The following JAM2 variants were observed in gnomAD, a reference collection of about 807,000 sequenced individuals.
The protein encoded by JAM2 is junctional adhesion molecule B.
Under a neutral mutation model 42.0 loss-of-function variants are expected in JAM2, and 17 were observed. That is an observed-to-expected ratio of 0.40 (90% CI 0.28 to 0.61). JAM2 has a LOEUF of 0.61. Ranked by LOEUF, JAM2 falls within the 20% of genes least tolerant of loss-of-function variation. The pLI, the probability that JAM2 is intolerant of heterozygous loss-of-function variation, is 0.37. For missense variants in JAM2, 319 were observed against 358.3 expected (o/e 0.89, Z 0.89); for synonymous variants, 118 against 128.6 (o/e 0.92, Z 0.56).
chr21:25,693,868 C>A lies in JAM2; in HGVS notation c.354C>A (p.Gly118=), dbSNP rs1175160514. 1.2e-6 allele frequency: 2 copies of A among 1,614,124 alleles called. No homozygotes were observed. The highest frequency in any genetic ancestry group is 3.3e-5 in the Admixed American group (2 of 60,026). The change falls in exon 4 of 10, where the codon GGC becomes GGA. Residue 118 remains glycine (G), a synonymous_variant. Coordinates refer to ENST00000480456, the MANE Select transcript of JAM2 (RefSeq NM_021219.4). ...AAGTTAGTGCCCCATCTGAGCAAGG[C>A]CAAAACCTGGAAGAGGATACAGTCA... ...RCEVSAPSEQ[G]QNLEEDTVTL...
At chr21:25,669,344 C>T (rs2033299812) in intron 1 of JAM2, among the ~76,000 whole-genome samples, 1 of 150,998 alleles carries the variant, frequency 6.6e-6, no homozygotes, top group Non-Finnish European at 1.5e-5. Context: ...TGCACTCCAG[C>T]CTGGGCAACA....
chr21:25,701,423 T>C (rs1382261136), intron 5 of JAM2, among the ~76,000 whole-genome samples: 4 of 151,466 alleles, frequency 2.6e-5, no homozygotes, highest in Admixed American at 1.3e-4. Context: ...CTCTCTTCCT[T>C]CCTTTCTCCC....
At chr21:25,682,471 G>A (rs1180582591) in intron 1 of JAM2, among the ~76,000 whole-genome samples, 1 of 152,240 alleles carries the variant, frequency 6.6e-6, no homozygotes, top group Admixed American at 6.5e-5. Flanking sequence ...CAGGACGTGC[G>A]ACAGGGGTGT....
intron 4 of JAM2, among the ~76,000 whole-genome samples, chr21:25,695,523 A>G (rs576002045): frequency 6.6e-6 from 1 of 152,098 alleles, no homozygotes; most frequent in Admixed American, 6.5e-5. Context: ...CGCGGGGCAG[A>G]GGGGCTCCTC....
chr21:25,709,441 C>G lies in JAM2; in HGVS notation c.813C>G (p.Thr271=). 7.0e-7 allele frequency: 1 copy of G among 1,435,174 alleles called. No individual in the cohort carries two copies. The highest frequency in any genetic ancestry group is 9.7e-7 in the Non-Finnish European group (1 of 1,034,596). The allele number at this position is 1,435,174 out of a possible 1,614,324, so 88.9% of individuals were successfully genotyped here. The change falls in exon 8 of 10, where the codon ACC becomes ACG. Residue 271 remains threonine (T), a synonymous_variant. Coordinates refer to ENST00000480456, the MANE Select transcript of JAM2 (RefSeq NM_021219.4). ...AQRKGYFSKE[T]SFQKSNSSSK... ...ATACTTTTTCTTTTGTAGAAGAAAC[C>G]TCCTTCCAGTAAGTATACTTTCCTA...
At chr21:25,682,827 T>C (rs1464466160) in intron 1 of JAM2, among the ~76,000 whole-genome samples, 1 of 151,900 alleles carries the variant, frequency 6.6e-6, no homozygotes, top group Non-Finnish European at 1.5e-5. Context: ...GGGAAGATGG[T>C]CTTTTCCTGG....
At chr21:25,687,138 C>T (rs1010347454) in intron 2 of JAM2, among the ~76,000 whole-genome samples, 2 of 152,022 alleles carry the variant, frequency 1.3e-5, no homozygotes, top group African/African-American at 4.8e-5. Context: ...TATATTTCTA[C>T]GTCAAGGCAA....
intron 8 of JAM2, 155 bp downstream of exon 8, chr21:25,709,604 A>G (rs2034341614): frequency 2.1e-6 from 1 of 477,454 alleles, no homozygotes; most frequent in Non-Finnish European, 3.9e-6. Context: ...CATCTGTATT[A>G]GGCTGTTCTT....
intron 1 of JAM2, among the ~76,000 whole-genome samples, chr21:25,641,910 G>T (rs531152169): frequency 6.6e-6 from 1 of 152,232 alleles, no homozygotes; most frequent in South Asian, 2.1e-4. Flanking sequence ...CAAGTATCTG[G>T]TAGAATGACT....
chr21:25,648,070 G>A (rs534605434), intron 1 of JAM2, among the ~76,000 whole-genome samples: 54 of 152,226 alleles, frequency 3.5e-4, no homozygotes, highest in African/African-American at 1.2e-3. Context: ...AAGTAGCTGG[G>A]CATGGTGGCA....
rs538479469 is a variant in JAM2 at position 25,674,463 on chromosome 21, T to A, written c.68-9420T>A. Among the ~76,000 whole-genome samples the A allele has an allele frequency of 1.9e-4, 29 of 152,250 alleles. No homozygotes were observed. The South Asian group carries it at 4.8e-3, about 25-fold the overall frequency. On this transcript the variant is annotated intron_variant, in intron 1 of 9. Transcript: ENST00000480456. ...CAGTCTCAGCAGTGTGAGAACAGAC[T>A]AATATATCTGTCAAATGAGGATTTT...
chr21:25,712,382 TGTGA>T lies in JAM2; in HGVS notation c.864+3_864+6del. ...CTAAAGCCACGACAATGAGTGAAAA[TGTGA>T]GTATCTTTAAAGCATATTTATAGAA... On this transcript the variant is annotated splice_donor_variant and splice_donor_region_variant and intron_variant, in intron 9 of 9. Transcript: ENST00000480456. LOFTEE classifies it high-confidence loss of function. 1.9e-6 allele frequency: 3 copies of T among 1,585,736 alleles called. No individual in the cohort carries two copies. The highest frequency in any genetic ancestry group is 2.6e-6 in the Non-Finnish European group (3 of 1,155,282).
intron 1 of JAM2, among the ~76,000 whole-genome samples, chr21:25,683,235 A>G (rs2033677586): frequency 3.9e-5 from 6 of 152,180 alleles, no homozygotes; most frequent in Admixed American, 3.3e-4. Flanking sequence ...GATAATAAGC[A>G]ACAGCAGCGT....
intron 5 of JAM2, among the ~76,000 whole-genome samples, chr21:25,701,327 T>G (rs2123403445): frequency 6.6e-6 from 1 of 152,202 alleles, no homozygotes; most frequent in East Asian, 1.9e-4. Flanking sequence ...ACAATGACCC[T>G]TCAAGGTGAC....
intron 1 of JAM2, among the ~76,000 whole-genome samples, chr21:25,649,292 C>T (rs1336068700): frequency 6.6e-6 from 1 of 152,194 alleles, no homozygotes; most frequent in Non-Finnish European, 1.5e-5. Context: ...AATTGACTCT[C>T]AGTTTCGCAT....
At position 25,691,008 on chromosome 21, in the gene JAM2, G is replaced by C. The variant is rs576340263; in HGVS notation, c.241+1035G>C. Among the ~76,000 whole-genome samples, 51 of 152,248 alleles carry C rather than the reference G, an allele frequency of 3.3e-4. 1 individual carries two copies. Among genetic ancestry groups the C allele is most frequent in the African/African-American group, 1.1e-3 (46 of 41,532 alleles). On this transcript the variant is annotated intron_variant, in intron 3 of 9. Transcript: ENST00000480456. ...GATGAAACAAGATAAACCATGCATTGATTACTATTATAGCTGGTCAATGAT... is the reference window on the plus strand; with the variant it reads ...GATGAAACAAGATAAACCATGCATTCATTACTATTATAGCTGGTCAATGAT...
At chr21:25,663,396 C>T (rs1156980470) in intron 1 of JAM2, among the ~76,000 whole-genome samples, 2 of 152,140 alleles carry the variant, frequency 1.3e-5, no homozygotes, top group Admixed American at 1.3e-4. Context: ...GTCAATTTCC[C>T]TCCTGAATCA....
intron 1 of JAM2, among the ~76,000 whole-genome samples, chr21:25,655,549 C>T (rs1281850391): frequency 1.3e-5 from 2 of 148,580 alleles, no homozygotes; most frequent in African/African-American, 2.5e-5. Flanking sequence ...GGCGCCATCT[C>T]AGCTCAGTGC....
chr21:25,704,952 G>T (rs1043602521), intron 6 of JAM2, among the ~76,000 whole-genome samples: 3 of 152,156 alleles, frequency 2.0e-5, no homozygotes, highest in Admixed American at 2.0e-4. Flanking sequence ...TTAGGCAACA[G>T]AATCAATCTG....
Sources: allele counts gnomAD v4.1 joint callset (sites outside exome capture counted in the v4.1 genomes callset), GRCh38; gene constraint gnomAD v4.1.1; transcripts MANE v1.5; gene names NCBI Gene and HGNC (gene_info 2026-07-23, HGNC 2026-07-21).